The following XKR3 variants were observed in gnomAD, a reference collection of about 807,000 sequenced individuals.
XKR3 encodes the protein XK-related protein 3.
Under a neutral mutation model 40.3 loss-of-function variants are expected in XKR3, and 27 were observed. That is an observed-to-expected ratio of 0.67 (90% CI 0.49 to 0.92). XKR3 has a LOEUF of 0.92. Ranked by LOEUF, XKR3 falls within the 40% of genes least tolerant of loss-of-function variation. The pLI, the probability that XKR3 is intolerant of heterozygous loss-of-function variation, is 0.00. For missense variants in XKR3, 472 were observed against 537.6 expected (o/e 0.88, Z 1.21); for synonymous variants, 193 against 195.4 (o/e 0.99, Z 0.10).
At chr22:16,797,364 C>T (rs956273311) in intron 3 of XKR3, among the ~76,000 whole-genome samples, 5 of 152,160 alleles carry the variant, frequency 3.3e-5, no homozygotes, top group African/African-American at 1.2e-4. Flanking sequence ...GCAAAAGAAA[C>T]TGTAAACAGA....
intron 2 of XKR3, among the ~76,000 whole-genome samples, chr22:16,804,894 T>C (rs1249716799): frequency 6.6e-6 from 1 of 152,210 alleles, no homozygotes; most frequent in African/African-American, 2.4e-5. Flanking sequence ...TACTCAGGAC[T>C]TCCTGGGAAC....
At chr22:16,802,992 G>A (rs187956010) in intron 2 of XKR3, among the ~76,000 whole-genome samples, 3 of 151,966 alleles carry the variant, frequency 2.0e-5, no homozygotes, top group African/African-American at 4.8e-5. Flanking sequence ...TGTGGAGATC[G>A]TGGAGAGGAT....
chr22:16,815,974 T>C (rs979970080), intron 1 of XKR3, among the ~76,000 whole-genome samples: 3 of 151,938 alleles, frequency 2.0e-5, no homozygotes, highest in Non-Finnish European at 2.9e-5. Flanking sequence ...GCATTTTTTC[T>C]AAAATTCTCT....
chr22:16,819,125 C>A (rs573663688), intron 1 of XKR3, among the ~76,000 whole-genome samples: 25 of 151,776 alleles, frequency 1.6e-4, no homozygotes, highest in African/African-American at 5.8e-4. Flanking sequence ...ACATATAAAA[C>A]ACTGGTGAAA....
intron 1 of XKR3, among the ~76,000 whole-genome samples, chr22:16,815,946 T>A (rs2041700): frequency 6.6e-6 from 1 of 151,550 alleles, no homozygotes; most frequent in Non-Finnish European, 1.5e-5. Flanking sequence ...TATCTATTAT[T>A]GTCCCTCCTT....
At chr22:16,816,114 G>A (rs1319666165) in intron 1 of XKR3, among the ~76,000 whole-genome samples, 1 of 151,778 alleles carries the variant, frequency 6.6e-6, no homozygotes, top group Non-Finnish European at 1.5e-5. Context: ...CAGTGTTAGA[G>A]TATTTAATAT....
In XKR3 at chr22:16,795,613, T is replaced by C. The variant is rs572199334; in HGVS notation, c.589+4158A>G. On this transcript the variant is annotated intron_variant, in intron 3 of 3. Transcript: ENST00000684488. Reference sequence around the variant, plus strand: ...AAGATCACTTAAACCAAACCAAGAGTTGGCCTTTGAAAATAAAATAAATAA... The same window carrying C: ...AAGATCACTTAAACCAAACCAAGAGCTGGCCTTTGAAAATAAAATAAATAA... Among the ~76,000 whole-genome samples, 78 of 151,632 alleles carry C rather than the reference T, an allele frequency of 5.1e-4. No homozygotes were observed. In the South Asian group the frequency reaches 8.6e-3, roughly 17 times the overall value.
At chr22:16,815,321 C>G (rs1472527373) in intron 1 of XKR3, among the ~76,000 whole-genome samples, 1 of 151,994 alleles carries the variant, frequency 6.6e-6, no homozygotes, top group African/African-American at 2.4e-5. Flanking sequence ...AAATGCACCT[C>G]TTCTCATATA....
chr22:16,823,806 GT>G (rs34901478), intron 1 of XKR3, among the ~76,000 whole-genome samples: 119,640 of 149,150 alleles, frequency 0.8, 48,304 homozygotes, highest in Non-Finnish European at 0.86. Context: ...GTACTAAAAG[GT>G]TTTTTTTTTT....
In XKR3 at chr22:16,799,876, C is replaced by G; in HGVS notation, c.484G>C (p.Ala162Pro). The G allele has an allele frequency of 6.2e-7, 1 of 1,614,074 alleles. No homozygotes were observed. Among genetic ancestry groups the G allele is most frequent in the Non-Finnish European group, 8.5e-7 (1 of 1,180,012 alleles). Residue 162 changes from alanine to proline, a missense_variant, in exon 3 of 4, where the codon GCT becomes CCT. Physicochemically the swap from Ala to Pro is conservative, Grantham distance 27. Transcript: ENST00000684488. ...TGAATCACTGACATGTACTTGAAAGCCTTCTGCTGCATGAAATTATCCCGG... is the reference window on the plus strand; with the variant it reads ...TGAATCACTGACATGTACTTGAAAGGCTTCTGCTGCATGAAATTATCCCGG... ...SIRDNFMQQKAFKYMSVIQAF... is the reference protein window; with the variant it reads ...SIRDNFMQQKPFKYMSVIQAF...
chr22:16,808,548 A>G (rs1167187637), intron 1 of XKR3, among the ~76,000 whole-genome samples: 1 of 152,248 alleles, frequency 6.6e-6, no homozygotes, highest in East Asian at 1.9e-4. Flanking sequence ...CAGAATAGTG[A>G]GGCCTTTAAG....
In XKR3 at chr22:16,788,600, TAAAAA is replaced by T. The variant is rs1195176679; in HGVS notation, c.590-4196_590-4192del. ...TTCTTTTTAACCTAGTGGAAAAAAA[TAAAAA>T]AAAGAAGATATGTGAACTGTTCCAG... is the stretch of plus-strand genomic sequence containing the variant. On this transcript the variant is annotated intron_variant, in intron 3 of 3. Coordinates refer to ENST00000684488, the MANE Select transcript of XKR3 (RefSeq NM_001386955.1). Among the ~76,000 whole-genome samples, 3 of 151,040 alleles carry T rather than the reference TAAAAA, an allele frequency of 2.0e-5. No individual in the cohort carries two copies. In the East Asian group the frequency reaches 5.8e-4, roughly 29 times the overall value.
Position 16,792,341 on chromosome 22 carries a change from T to A in XKR3, c.589+7430A>T, listed in dbSNP as rs2060123916. On this transcript the variant is annotated intron_variant, in intron 3 of 3. Coordinates refer to ENST00000684488, the MANE Select transcript of XKR3 (RefSeq NM_001386955.1). ...ATAATTATGAACCTTGTTAAAAAAA[T>A]TAGTGGTAATAGGAAAAGTGAACAC... Among the ~76,000 whole-genome samples, 7 of 152,296 alleles carry A rather than the reference T, an allele frequency of 4.6e-5. No individual in the cohort carries two copies. In the South Asian group the frequency reaches 1.0e-3, roughly 23 times the overall value.
intron 3 of XKR3, among the ~76,000 whole-genome samples, chr22:16,788,366 A>C (rs1312192957): frequency 6.6e-6 from 1 of 152,164 alleles, no homozygotes; most frequent in Non-Finnish European, 1.5e-5. Context: ...CCAAAGAATT[A>C]GAAAAACAAA....
chr22:16,822,972 C>T (rs1343605953), intron 1 of XKR3, among the ~76,000 whole-genome samples: 1 of 152,118 alleles, frequency 6.6e-6, no homozygotes, highest in South Asian at 2.1e-4. Context: ...AAGCCTCAAC[C>T]TCCAGGACTC....
At chr22:16,794,313 C>T (rs1406003711) in intron 3 of XKR3, among the ~76,000 whole-genome samples, 3 of 151,856 alleles carry the variant, frequency 2.0e-5, no homozygotes, top group Admixed American at 1.3e-4. Flanking sequence ...GAAACAAACA[C>T]GAAAATATAA....
intron 3 of XKR3, among the ~76,000 whole-genome samples, chr22:16,784,913 A>G (rs1426463552): frequency 6.6e-6 from 1 of 152,248 alleles, no homozygotes; most frequent in East Asian, 1.9e-4. Context: ...GAAAAGAAGA[A>G]ATAAGCTGTG....
At position 16,785,709 on chromosome 22, in the gene XKR3, A is replaced by C. The variant is rs1173313311; in HGVS notation, c.590-1300T>G. On this transcript the variant is annotated intron_variant, in intron 3 of 3. Transcript: ENST00000684488. ...GAAACCCCATCTCTACTGAAAATAC[A>C]AAAAATTAGCCGGGCATAGACCCAG... Among the ~76,000 whole-genome samples, 66 of 152,020 alleles carry C rather than the reference A, an allele frequency of 4.3e-4. No individual in the cohort carries two copies. In the East Asian group the frequency reaches 0.012, roughly 27 times the overall value.
rs1170445081 is a variant in XKR3, at chr22:16,799,978, T to C, written c.382A>G (p.Lys128Glu). ...RNYHKWLKNL[K>E]QEKEETQVSI... ...ACTTGAGTCTCTTCCTTCTCCTGTT[T>C]AAGATTTTTCAACCATTTGTGGTAA... Residue 128 changes from lysine to glutamate, a missense_variant, in exon 3 of 4, where the codon AAA becomes GAA. Lys to Glu is a moderately conservative substitution (Grantham distance 56, BLOSUM62 1). Transcript: ENST00000684488. The C allele has an allele frequency of 3.1e-6, 5 of 1,614,156 alleles. No homozygotes were observed. Among genetic ancestry groups the C allele is most frequent in the Non-Finnish European group, 4.2e-6 (5 of 1,180,020 alleles).
Sources: allele counts gnomAD v4.1 joint callset (sites outside exome capture counted in the v4.1 genomes callset), GRCh38; gene constraint gnomAD v4.1.1; transcripts MANE v1.5; gene names NCBI Gene and HGNC (gene_info 2026-07-23, HGNC 2026-07-21).